GOLGA8A: variants seen among roughly 807,000 people sequenced by gnomAD.
GOLGA8A encodes the protein golgin A8 family member A.
GOLGA8A carries 3 observed loss-of-function variants against 22.1 expected under a neutral mutation model. That is an observed-to-expected ratio of 0.14 (90% CI 0.06 to 0.35). The LOEUF (loss-of-function observed/expected upper bound fraction) is 0.35. Among genes scored for constraint, GOLGA8A ranks in the 10% least tolerant of loss-of-function variants. GOLGA8A has a pLI of 1.00. For synonymous variants in GOLGA8A, 7 were observed against 91.7 expected (o/e 0.08, Z 5.28); for missense variants, 16 against 233.2 (o/e 0.07, Z 6.07).
Position 34,380,330 on chromosome 15 carries a change from C to CT in GOLGA8A, c.*1080dup, listed in dbSNP as rs1449861640. ...AGGTGTCACACAGCTTTCCTTCACT[C>CT]TAATTCATTCTTGACTAGAGCCTGT... is the stretch of plus-strand genomic sequence containing the variant. On this transcript the variant is annotated 3_prime_UTR_variant, in exon 25 of 25. Transcript: ENST00000359187. The CT allele has an allele frequency of 6.6e-6, 1 of 152,208 alleles. No individual in the cohort carries two copies. The highest frequency in any genetic ancestry group is 1.5e-5 in the Non-Finnish European group (1 of 68,034). The allele number at this position is 152,208 out of a possible 1,614,324, so 9.4% of individuals were successfully genotyped here.
rs1295969546 is a variant in GOLGA8A at position 34,399,301 on chromosome 15, A to G, written c.-526-98T>C. ...TTACTAAGAAAGTATGCACACAGTA[A>G]ACATGAGAAGAGAACATGCAAGCAT... On this transcript the variant is annotated intron_variant, in intron 6 of 24. Transcript: ENST00000359187. 3 of 115,152 alleles carry G rather than the reference A, an allele frequency of 2.6e-5. No individual in the cohort carries two copies. In the Admixed American group the frequency reaches 2.6e-4, roughly 10 times the overall value. 7.1% of individuals were successfully genotyped at this position (115,152 alleles called of 1,614,324 possible).
intron 2 of GOLGA8A, among the ~76,000 whole-genome samples, chr15:34,424,886 G>A (rs75436888): frequency 0.047 from 6,004 of 127,512 alleles, 293 homozygotes; most frequent in South Asian, 0.092. Flanking sequence ...GATCACTTAA[G>A]CTCAGCAGTT....
Position 34,436,534 on chromosome 15 carries a change from C to G in GOLGA8A, c.-1212+864G>C, listed in dbSNP as rs747157669. On this transcript the variant is annotated intron_variant, in intron 1 of 24. Transcript: ENST00000359187. ...CCAGTAAATACTAAGTTAAGACTAG[C>G]AGGCCCCTCTAAGGCTCTGCTCTCC... 9.3e-5 allele frequency among the ~76,000 whole-genome samples: 14 copies of G among 150,040 alleles called. 2 individuals carry two copies. The highest frequency in any genetic ancestry group is 8.7e-4 in the Admixed American group (13 of 14,924).
chr15:34,432,214 C>T lies in GOLGA8A; in HGVS notation c.-1123+3169G>A, dbSNP rs367713054. Reference sequence around the variant, plus strand: ...ACCCTTTTCCCATCGCTGTATAGGGCCCACGTCATCTGTGGCATTTCCACG... The same window carrying T: ...ACCCTTTTCCCATCGCTGTATAGGGTCCACGTCATCTGTGGCATTTCCACG... On this transcript the variant is annotated intron_variant, in intron 2 of 24. Coordinates refer to ENST00000359187, the MANE Select transcript of GOLGA8A (RefSeq NM_181077.5). Among the ~76,000 whole-genome samples the T allele has an allele frequency of 1.2e-4, 18 of 149,204 alleles. 1 individual carries two copies. The highest frequency in any genetic ancestry group is 4.3e-4 in the South Asian group (2 of 4,616).
intron 2 of GOLGA8A, among the ~76,000 whole-genome samples, chr15:34,424,859 G>A (rs1036655834): frequency 7.4e-6 from 1 of 134,296 alleles, no homozygotes; most frequent in Non-Finnish European, 1.6e-5. Flanking sequence ...CAGAACTTTG[G>A]GAGGCCAAGG....
intron 2 of GOLGA8A, among the ~76,000 whole-genome samples, chr15:34,427,658 C>T (rs1291319502): frequency 6.9e-6 from 1 of 144,932 alleles, no homozygotes; most frequent in Non-Finnish European, 1.5e-5. Flanking sequence ...AGCCTGCCAG[C>T]CATCGGACTC....
At chr15:34,427,919 G>A (rs1187379275) in intron 2 of GOLGA8A, among the ~76,000 whole-genome samples, 3 of 148,664 alleles carry the variant, frequency 2.0e-5, no homozygotes, top group East Asian at 3.9e-4. Flanking sequence ...CCCACTGCCC[G>A]ATGTGTCATG....
intron 2 of GOLGA8A, among the ~76,000 whole-genome samples, chr15:34,427,969 T>G (rs529912691): frequency 6.7e-6 from 1 of 149,048 alleles, no homozygotes; most frequent in East Asian, 2.0e-4. Context: ...TCAGTTGACA[T>G]GAACTACAGC....
chr15:34,427,758 G>A (rs1353615349), intron 2 of GOLGA8A, among the ~76,000 whole-genome samples: 2 of 148,144 alleles, frequency 1.4e-5, no homozygotes, highest in Non-Finnish European at 3.0e-5. Context: ...AACAAGACAT[G>A]TTCAAAAGAA....
Position 34,425,368 on chromosome 15 carries a change from G to C in GOLGA8A, c.-1123+10015C>G, listed in dbSNP as rs535300360. Reference sequence around the variant, plus strand: ...CAGAGAGGTCAAAGTGGCTGACTAGGAAATTAGGTTGGAATCCTATAAAAA... The same window carrying C: ...CAGAGAGGTCAAAGTGGCTGACTAGCAAATTAGGTTGGAATCCTATAAAAA... On this transcript the variant is annotated intron_variant, in intron 2 of 24. Transcript: ENST00000359187. Among the ~76,000 whole-genome samples the C allele has an allele frequency of 5.6e-4, 76 of 136,288 alleles. 4 individuals are homozygous for C. The highest frequency in any genetic ancestry group is 1.9e-3 in the African/African-American group (72 of 38,376). 89.4% of individuals were successfully genotyped at this position (136,288 alleles called of 152,430 possible).
intron 1 of GOLGA8A, 130 bp from the exon 2 acceptor site, chr15:34,435,601 G>C (rs1357315934): frequency 6.7e-6 from 1 of 149,068 alleles, no homozygotes; most frequent in Non-Finnish European, 1.5e-5. Flanking sequence ...ATGAGGAGCT[G>C]ATGGTCACCA....
At position 34,381,207 on chromosome 15, in the gene GOLGA8A, G is replaced by T. The variant is rs1488072930; in HGVS notation, c.*204C>A. 6 of 899,494 alleles carry T rather than the reference G, an allele frequency of 6.7e-6. No homozygotes were observed. In the Admixed American group the frequency reaches 1.0e-4, roughly 15 times the overall value. 55.7% of individuals were successfully genotyped at this position (899,494 alleles called of 1,614,324 possible). The stretch of plus-strand genomic sequence containing the variant: ...TGAAAAAAGAAAAATGCTGAAGGAT[G>T]CCAGAGTGAACATCAGTGAGAGCCA... On this transcript the variant is annotated 3_prime_UTR_variant, in exon 25 of 25. Transcript: ENST00000359187.
At chr15:34,428,341 C>T (rs1238252345) in intron 2 of GOLGA8A, among the ~76,000 whole-genome samples, 4 of 148,382 alleles carry the variant, frequency 2.7e-5, no homozygotes, top group Non-Finnish European at 6.0e-5. Context: ...GCGATCCTCC[C>T]TCCTCAGCCT....
At chr15:34,431,802 A>G (rs1362115179) in intron 2 of GOLGA8A, among the ~76,000 whole-genome samples, 1 of 148,424 alleles carries the variant, frequency 6.7e-6, no homozygotes, top group Non-Finnish European at 1.5e-5. Context: ...AATATTTTAT[A>G]TATTTTTTTA....
rs1409231610 is a variant in GOLGA8A at position 34,380,587 on chromosome 15, T to C, written c.*824A>G. The C allele has an allele frequency of 6.6e-6, 1 of 152,340 alleles. No individual in the cohort carries two copies. The highest frequency in any genetic ancestry group is 1.5e-5 in the Non-Finnish European group (1 of 68,078). 9.4% of individuals were successfully genotyped at this position (152,340 alleles called of 1,614,324 possible). On this transcript the variant is annotated 3_prime_UTR_variant, in exon 25 of 25. Coordinates refer to ENST00000359187, the MANE Select transcript of GOLGA8A (RefSeq NM_181077.5). ...ATGGCAGCCTTTCATTCCTCGGAAA[T>C]AAGCCCTTTTTAGGTCACTGAAAAA...
intron 2 of GOLGA8A, among the ~76,000 whole-genome samples, chr15:34,435,097 C>G (rs1196353650): frequency 1.3e-5 from 2 of 149,408 alleles, no homozygotes; most frequent in African/African-American, 2.5e-5. Flanking sequence ...AGGCCCTCAC[C>G]TATTAAGTCA....
chr15:34,421,297 C>T (rs2140272252), intron 2 of GOLGA8A, among the ~76,000 whole-genome samples: 1 of 143,432 alleles, frequency 7.0e-6, no homozygotes, highest in African/African-American at 2.5e-5. Flanking sequence ...AGAAGAGTCA[C>T]ATGAAGGTAC....
intron 2 of GOLGA8A, among the ~76,000 whole-genome samples, chr15:34,429,497 C>T (rs142768266): frequency 6.8e-6 from 1 of 147,952 alleles, no homozygotes; most frequent in African/African-American, 2.5e-5. Context: ...ACCCACTCTT[C>T]TAGGATGGGG....
At position 34,434,629 on chromosome 15, in the gene GOLGA8A, G is replaced by A. The variant is rs199919523; in HGVS notation, c.-1123+754C>T. 2.7e-5 allele frequency among the ~76,000 whole-genome samples: 4 copies of A among 149,032 alleles called. 1 individual carries two copies. In the East Asian group the frequency reaches 5.9e-4, roughly 22 times the overall value. On this transcript the variant is annotated intron_variant, in intron 2 of 24. Transcript: ENST00000359187. ...GTGGGGAGGAACTCTGGGAAAGGAA[G>A]GAGCCAGAGAAGTCTCCCTGTGGGC...
Sources: gnomAD v4.1 joint callset for allele counts (sites outside exome capture counted in the v4.1 genomes callset) on GRCh38, gnomAD v4.1.1 for gene constraint, MANE v1.5 for transcripts, NCBI Gene and HGNC (gene_info 2026-07-23, HGNC 2026-07-21) for gene names.